Variants in TYW1 observed in about 807,000 individuals in gnomAD.
TYW1 encodes S-adenosyl-L-methionine-dependent tRNA 4-demethylwyosine synthase TYW1.
A neutral mutation model predicts 96.2 loss-of-function variants in TYW1; 46 were observed. The observed-to-expected ratio is 0.48, with a 90% CI of 0.38 to 0.61. TYW1 has a LOEUF of 0.61. TYW1 is among the 20% of genes least tolerant of loss of function. TYW1 has a pLI of 0.00. For missense variants in TYW1, 684 were observed against 909.6 expected (o/e 0.75, Z 3.19); for synonymous variants, 274 against 323.0 (o/e 0.85, Z 1.63).
intron 13 of TYW1, among the ~76,000 whole-genome samples, chr7:67,153,925 C>CT (rs34003922): frequency 0.2 from 26,352 of 129,562 alleles, 3,360 homozygotes; most frequent in East Asian, 0.27. Context: ...TAACGACTTT[C>CT]TTTTTTTTTT....
rs1563076396 is a variant in TYW1 at position 67,218,347 on chromosome 7, TTA to T, written c.1978-19957_1978-19956del. On this transcript the variant is annotated intron_variant, in intron 15 of 15. Coordinates refer to ENST00000359626, the MANE Select transcript of TYW1 (RefSeq NM_018264.4). ...TATTGTATTTTTAATTTTGTTTTAT[TTA>T]TATTTATTTATTTTTTTTTTTTGAG... Among the ~76,000 whole-genome samples, 6 of 144,318 alleles carry T rather than the reference TTA, an allele frequency of 4.2e-5. No individual in the cohort carries two copies. The East Asian group carries it at 1.2e-3, about 28-fold the overall frequency. 94.7% of individuals were successfully genotyped at this position (144,318 alleles called of 152,430 possible). A position where few individuals can be genotyped will look rare whatever the true frequency, so the allele number is the denominator to read the frequency against.
intron 15 of TYW1, among the ~76,000 whole-genome samples, chr7:67,200,726 T>C (rs1800569970): frequency 1.3e-5 from 2 of 152,160 alleles, no homozygotes; most frequent in African/African-American, 4.8e-5. Flanking sequence ...ATCAGAGCTA[T>C]GGTGGAAGAA....
chr7:67,036,381 T>C lies in TYW1; in HGVS notation c.984+11359T>C, dbSNP rs139761648. ...CAAAGACCCTTTTATCAAAAGAGAT[T>C]ATATCTAGGGCTGTGCACAATTCAA... On this transcript the variant is annotated intron_variant, in intron 7 of 15. Transcript: ENST00000359626. Among the ~76,000 whole-genome samples, 791 of 152,278 alleles carry C rather than the reference T, an allele frequency of 5.2e-3. 5 individuals are homozygous for C. Among genetic ancestry groups the C allele is most frequent in the African/African-American group, 0.018 (746 of 41,570 alleles).
chr7:67,198,499 C>G (rs1309716255), intron 15 of TYW1, among the ~76,000 whole-genome samples: 1 of 151,304 alleles, frequency 6.6e-6, no homozygotes, highest in African/African-American at 2.4e-5. Flanking sequence ...TGCAGTGAGT[C>G]GAGCCTGGGC....
intron 7 of TYW1, among the ~76,000 whole-genome samples, chr7:67,040,244 G>A (rs554481478): frequency 7.0e-4 from 106 of 152,232 alleles, no homozygotes; most frequent in African/African-American, 2.4e-3. Context: ...CACCGGGCCT[G>A]GCCTTGCTTA....
chr7:67,007,677 G>T (rs1479025957), intron 3 of TYW1, among the ~76,000 whole-genome samples: 1 of 152,000 alleles, frequency 6.6e-6, no homozygotes, highest in African/African-American at 2.4e-5. Flanking sequence ...CTGTCGTCCA[G>T]GCTGGAGTGC....
At chr7:67,140,810 A>G (rs1448493965) in intron 13 of TYW1, among the ~76,000 whole-genome samples, 1 of 152,226 alleles carries the variant, frequency 6.6e-6, no homozygotes, top group Non-Finnish European at 1.5e-5. Flanking sequence ...ATTCATTGTG[A>G]CATTATTTAT....
intron 15 of TYW1, among the ~76,000 whole-genome samples, chr7:67,225,859 C>T (rs1801544941): frequency 2.0e-5 from 3 of 150,382 alleles, no homozygotes; most frequent in Non-Finnish European, 4.4e-5. Context: ...GTTCCACGGG[C>T]AACTGTTACC....
Position 67,148,494 on chromosome 7 carries a change from C to T in TYW1, c.1698+30876C>T, listed in dbSNP as rs186429739. Among the ~76,000 whole-genome samples, 441 of 141,220 alleles carry T rather than the reference C, an allele frequency of 3.1e-3. 2 individuals are homozygous for T. The highest frequency in any genetic ancestry group is 0.011 in the African/African-American group (407 of 36,828). The allele number at this position is 141,220 out of a possible 152,430, so 92.6% of individuals were successfully genotyped here. A position where few individuals can be genotyped will look rare whatever the true frequency, so the allele number is the denominator to read the frequency against. On this transcript the variant is annotated intron_variant, in intron 13 of 15. Coordinates refer to ENST00000359626, the MANE Select transcript of TYW1 (RefSeq NM_018264.4). ...AGGCTGGAGTGCAGTGGCGTGATCT[C>T]GGCTCACTGCAAGCTCCGCCCCCCG...
rs758177366 is a variant in TYW1 at position 67,097,523 on chromosome 7, C to T, written c.1385-1018C>T. On this transcript the variant is annotated intron_variant, in intron 11 of 15. Transcript: ENST00000359626. Reference sequence around the variant, plus strand: ...AAGCGATTCTCCTGCCTCAGCCTCCCGAGTAGCTGGGATTACAGGCATCCG... The same window carrying T: ...AAGCGATTCTCCTGCCTCAGCCTCCTGAGTAGCTGGGATTACAGGCATCCG... Among the ~76,000 whole-genome samples the T allele has an allele frequency of 4.6e-5, 7 of 152,118 alleles. No individual in the cohort carries two copies. In the South Asian group the frequency reaches 6.2e-4, roughly 13 times the overall value.
intron 7 of TYW1, among the ~76,000 whole-genome samples, chr7:67,033,055 C>G (rs1012345301): frequency 7.3e-5 from 11 of 151,546 alleles, no homozygotes; most frequent in African/African-American, 2.7e-4. Flanking sequence ...TACCACCACG[C>G]CCGGCTAATT....
chr7:67,001,984 A>G (rs1258843937), intron 3 of TYW1, among the ~76,000 whole-genome samples: 2 of 151,608 alleles, frequency 1.3e-5, no homozygotes, highest in Non-Finnish European at 2.9e-5. Context: ...CAGTGAGCCT[A>G]GATTGCACCA....
intron 15 of TYW1, among the ~76,000 whole-genome samples, chr7:67,200,644 C>T (rs1210520445): frequency 1.3e-5 from 2 of 152,078 alleles, no homozygotes; most frequent in African/African-American, 2.4e-5. Flanking sequence ...CAAACCATAT[C>T]AGTTCCTGCC....
chr7:67,045,378 T>C (rs1249353045), intron 7 of TYW1, among the ~76,000 whole-genome samples: 1 of 135,438 alleles, frequency 7.4e-6, no homozygotes, highest in East Asian at 2.6e-4. Flanking sequence ...ACCTGGCTAA[T>C]TAAAAAAAAA....
intron 13 of TYW1, among the ~76,000 whole-genome samples, chr7:67,168,987 T>C (rs1403208193): frequency 2.2e-5 from 3 of 138,040 alleles, no homozygotes; most frequent in Non-Finnish European, 3.1e-5. Flanking sequence ...GCTGGGATTA[T>C]AGGTGTGAGC....
intron 9 of TYW1, among the ~76,000 whole-genome samples, chr7:67,057,181 A>AG: frequency 6.6e-6 from 1 of 151,304 alleles, no homozygotes. Context: ...CGCCCAGCTA[A>AG]TTTTTCTATT....
chr7:67,054,052 C>T (rs1214725844), intron 8 of TYW1, among the ~76,000 whole-genome samples: 1 of 152,222 alleles, frequency 6.6e-6, no homozygotes, highest in Non-Finnish European at 1.5e-5. Context: ...TTTCCTATCT[C>T]TATGGGATCA....
Position 66,996,923 on chromosome 7 carries a change from C to G in TYW1, c.-56C>G. 1 of 1,613,112 alleles carries G rather than the reference C, an allele frequency of 6.2e-7. No individual in the cohort carries two copies. The highest frequency in any genetic ancestry group is 1.1e-5 in the South Asian group (1 of 90,834). On this transcript the variant is annotated 5_prime_UTR_variant, in exon 1 of 16. Transcript: ENST00000359626. ...CTCGGTGCGTCTCGCGGTACCAGTG[C>G]GAATCATCGGGCTATCCAGGTCCGA...
chr7:67,094,193 C>G (rs570087907), intron 11 of TYW1, among the ~76,000 whole-genome samples: 2,599 of 152,216 alleles, frequency 0.017, 60 homozygotes, highest in African/African-American at 0.059. Context: ...TTTATGGCTG[C>G]ATAGTATTCC....
Sources: allele counts gnomAD v4.1 joint callset (sites outside exome capture counted in the v4.1 genomes callset), GRCh38; gene constraint gnomAD v4.1.1; transcripts MANE v1.5; gene names NCBI Gene and HGNC (gene_info 2026-07-23, HGNC 2026-07-21).